The following PLD5 variants were observed in gnomAD, a reference collection of about 807,000 sequenced individuals.
PLD5 encodes the protein inactive phospholipase D5.
PLD5 carries 36 observed loss-of-function variants against 61.1 expected under a neutral mutation model. The ratio of observed to expected loss-of-function variants is 0.59; its 90% confidence interval spans 0.45 to 0.78. The LOEUF is 0.78. Among genes scored for constraint, PLD5 ranks in the 30% least tolerant of loss-of-function variants. The pLI is 0.00. For synonymous variants in PLD5, 243 were observed against 242.8 expected (o/e 1.00, Z -0.01); for missense variants, 515 against 644.4 (o/e 0.80, Z 2.17).
chr1:242,404,972 C>T (rs12070645), intron 1 of PLD5, among the ~76,000 whole-genome samples: 2,198 of 149,414 alleles, frequency 0.015, 63 homozygotes, highest in African/African-American at 0.052. Flanking sequence ...CTCCACCTCC[C>T]GGGTTCAAGC....
chr1:242,279,911 A>G (rs937222340), intron 3 of PLD5, among the ~76,000 whole-genome samples: 1 of 152,226 alleles, frequency 6.6e-6, no homozygotes, highest in African/African-American at 2.4e-5. Context: ...TTCTTTTCAT[A>G]TAAGTTGAAA....
chr1:242,409,364 T>C (rs73130400), intron 1 of PLD5, among the ~76,000 whole-genome samples: 5,012 of 152,198 alleles, frequency 0.033, 291 homozygotes, highest in African/African-American at 0.11. Flanking sequence ...GATGGCAAAC[T>C]CCAACAGTAA....
At chr1:242,518,325 ATT>A (rs1669170502) in intron 1 of PLD5, among the ~76,000 whole-genome samples, 1 of 152,148 alleles carries the variant, frequency 6.6e-6, no homozygotes, top group African/African-American at 2.4e-5. Flanking sequence ...GCACCTCAAC[ATT>A]TACGTTGTAC....
At chr1:242,357,183 G>A (rs1324589968) in intron 1 of PLD5, among the ~76,000 whole-genome samples, 1 of 151,706 alleles carries the variant, frequency 6.6e-6, no homozygotes, top group South Asian at 2.1e-4. Flanking sequence ...TGAAAGCTTT[G>A]GTGGTTAGAG....
At chr1:242,218,282 G>A (rs2149002280) in intron 5 of PLD5, among the ~76,000 whole-genome samples, 1 of 152,252 alleles carries the variant, frequency 6.6e-6, no homozygotes, top group Admixed American at 6.5e-5. Flanking sequence ...CTTAAATTAA[G>A]GTATGCACAT....
chr1:242,511,231 T>A (rs1441923304), intron 1 of PLD5, among the ~76,000 whole-genome samples: 1 of 152,020 alleles, frequency 6.6e-6, no homozygotes, highest in Admixed American at 6.6e-5. Flanking sequence ...AAGATAAATA[T>A]CCCAGGGGTC....
chr1:242,146,128 T>C (rs571908732), intron 5 of PLD5, among the ~76,000 whole-genome samples: 1 of 152,362 alleles, frequency 6.6e-6, no homozygotes, highest in South Asian at 2.1e-4. Context: ...ATTATCAGTG[T>C]TGCTTACCAA....
chr1:242,285,163 T>A (rs936472780), intron 3 of PLD5, among the ~76,000 whole-genome samples: 1 of 152,242 alleles, frequency 6.6e-6, no homozygotes, highest in Admixed American at 6.5e-5. Flanking sequence ...TGTTAGAGAG[T>A]GACTTGAACT....
intron 1 of PLD5, among the ~76,000 whole-genome samples, chr1:242,520,031 C>T (rs1669228730): frequency 6.6e-6 from 1 of 152,204 alleles, no homozygotes; most frequent in Non-Finnish European, 1.5e-5. Context: ...CTTGTGAGAG[C>T]TGGTCACAGA....
chr1:242,195,288 C>A (rs1272226101), intron 5 of PLD5, among the ~76,000 whole-genome samples: 1 of 152,210 alleles, frequency 6.6e-6, no homozygotes, highest in East Asian at 1.9e-4. Context: ...CTGTCCTTTA[C>A]CACCTCTGAG....
intron 1 of PLD5, among the ~76,000 whole-genome samples, chr1:242,483,019 G>C (rs1191379366): frequency 1.3e-5 from 2 of 152,154 alleles, no homozygotes; most frequent in Middle Eastern, 3.2e-3. Flanking sequence ...GAGAAATTTT[G>C]TCACCACCAG....
intron 1 of PLD5, among the ~76,000 whole-genome samples, chr1:242,387,836 A>C (rs932404081): frequency 5.3e-5 from 8 of 152,064 alleles, no homozygotes; most frequent in Non-Finnish European, 1.5e-5. Flanking sequence ...ACAACTCTTT[A>C]AGGAAACGTT....
chr1:242,326,888 C>CA (rs777059415), intron 2 of PLD5, among the ~76,000 whole-genome samples: 1 of 151,266 alleles, frequency 6.6e-6, no homozygotes, highest in Non-Finnish European at 1.5e-5. Flanking sequence ...TTTTCCGAGA[C>CA]AGAGTCTCAT....
rs74154110 is a variant in PLD5 at position 242,416,664 on chromosome 1, G to A, written c.190-68422C>T. Among the ~76,000 whole-genome samples, 361 of 152,270 alleles carry A rather than the reference G, an allele frequency of 2.4e-3. 3 individuals carry two copies. The highest frequency in any genetic ancestry group is 8.5e-3 in the African/African-American group (352 of 41,556). On this transcript the variant is annotated intron_variant, in intron 1 of 9. Transcript: ENST00000536534. ...CTTCTTGACTTCCTGGCCATTGGTCGACAGCCCTGGAAACATTTTCAGCTA... is the reference window on the plus strand; with the variant it reads ...CTTCTTGACTTCCTGGCCATTGGTCAACAGCCCTGGAAACATTTTCAGCTA...
At chr1:242,484,706 T>G (rs1384767604) in intron 1 of PLD5, among the ~76,000 whole-genome samples, 1 of 152,216 alleles carries the variant, frequency 6.6e-6, no homozygotes, top group East Asian at 1.9e-4. Flanking sequence ...CTAACTCATT[T>G]TATGAGGCTA....
chr1:242,378,408 A>G (rs1195048306), intron 1 of PLD5, among the ~76,000 whole-genome samples: 1 of 152,228 alleles, frequency 6.6e-6, no homozygotes, highest in Admixed American at 6.5e-5. Flanking sequence ...CAGGTCTGCA[A>G]GATGAAAAGA....
At chr1:242,363,845 A>T (rs979394709) in intron 1 of PLD5, among the ~76,000 whole-genome samples, 11 of 152,232 alleles carry the variant, frequency 7.2e-5, no homozygotes, top group African/African-American at 2.7e-4. Flanking sequence ...ACTGAATGGG[A>T]TTAACAGCAG....
At chr1:242,315,965 C>A (rs1676980390) in intron 2 of PLD5, among the ~76,000 whole-genome samples, 1 of 152,136 alleles carries the variant, frequency 6.6e-6, no homozygotes. Flanking sequence ...TGGCTTGGGT[C>A]CTGAAGTCAA....
At chr1:242,374,001 C>A (rs72763075) in intron 1 of PLD5, among the ~76,000 whole-genome samples, 5,372 of 151,806 alleles carry the variant, frequency 0.035, 226 homozygotes, top group African/African-American at 0.096. Context: ...GAACAAAGCA[C>A]CACATTGAGC....
Sources: allele counts gnomAD v4.1 joint callset (sites outside exome capture counted in the v4.1 genomes callset), GRCh38; gene constraint gnomAD v4.1.1; transcripts MANE v1.5; gene names NCBI Gene and HGNC (gene_info 2026-07-23, HGNC 2026-07-21).